PRCD: variants seen among roughly 807,000 people sequenced by gnomAD.
PRCD encodes the protein photoreceptor disk component PRCD.
A neutral mutation model predicts 10.1 loss-of-function variants in PRCD; 12 were observed. That is an observed-to-expected ratio of 1.18 (90% CI 0.76 to 1.92). The LOEUF is 1.92. Among genes scored for constraint, PRCD ranks in the 40% most tolerant of loss-of-function variants. PRCD has a pLI of 0.00. For missense variants in PRCD, 61 were observed against 72.2 expected, an observed-to-expected ratio of 0.84 and a Z score of 0.56; for synonymous variants, 31 against 26.2, an observed-to-expected ratio of 1.18 and a Z score of -0.56.
rs752819238 is a variant in PRCD, at chr17:76,540,110, C to T, written c.-32C>T. On this transcript the variant is annotated 5_prime_UTR_variant, in exon 1 of 5. Coordinates refer to ENST00000592014, the MANE Select transcript of PRCD (RefSeq NM_001077620.3). The surrounding 1 kb of genome is among the most constrained non-coding windows in gnomAD (Gnocchi z 5.0). ...CCCCTCGCCTGTGGCCTTCTGCAGA[C>T]TTGGCCTGGGAGGGGATGGGGCAGC... The T allele has an allele frequency of 1.9e-6, 3 of 1,585,498 alleles. No homozygotes were observed. In the Admixed American group the frequency reaches 5.4e-5, roughly 28 times the overall value.
intron 4 of PRCD, chr17:76,543,370 A>G (rs560934339): frequency 4.1e-4 from 141 of 340,238 alleles, no homozygotes; most frequent in African/African-American, 2.9e-3. Context: ...CCCAGGCAAG[A>G]GGCAGGAATA....
At position 76,544,626 on chromosome 17, in the gene PRCD, C is replaced by T. The variant is rs1402488672; in HGVS notation, c.*976C>T. The T allele has an allele frequency of 6.6e-6, 3 of 456,796 alleles. No individual in the cohort carries two copies. Among genetic ancestry groups the T allele is most frequent in the South Asian group, 1.5e-5 (1 of 64,578 alleles). The allele number at this position is 456,796 out of a possible 1,614,324, so 28.3% of individuals were successfully genotyped here. On this transcript the variant is annotated 3_prime_UTR_variant, in exon 5 of 5. Transcript: ENST00000592014. The stretch of plus-strand genomic sequence containing the variant: ...GTGAGCCCGTGATCGCCTGTCTCAG[C>T]TCCTGTCAGCCTGTCTCTCTCTTTG...
At position 76,544,623 on chromosome 17, in the gene PRCD, C is replaced by T. The variant is rs780858428; in HGVS notation, c.*973C>T. 1 of 456,798 alleles carries T rather than the reference C, an allele frequency of 2.2e-6. No homozygotes were observed. Among genetic ancestry groups the T allele is most frequent in the South Asian group, 1.5e-5 (1 of 64,578 alleles). The allele number at this position is 456,798 out of a possible 1,614,324, so 28.3% of individuals were successfully genotyped here. A position where few individuals can be genotyped will look rare whatever the true frequency, so the allele number is the denominator to read the frequency against. ...GCCGTGAGCCCGTGATCGCCTGTCT[C>T]AGCTCCTGTCAGCCTGTCTCTCTCT... On this transcript the variant is annotated 3_prime_UTR_variant, in exon 5 of 5. Transcript: ENST00000592014.
At chr17:76,546,449 TTTGTGTG>T (rs879545862), downstream of PRCD, 853 of 14,442 alleles carry the variant, frequency 0.059, 4 homozygotes, top group South Asian at 0.23. This position sits in a 1 kb window ranked among gnomAD's most constrained non-coding sequence, Gnocchi z 4.5. Context: ...GTGTGTGTGG[TTTGTGTG>T]TGTGTGTGTG....
chr17:76,530,080 G>C lies in PRCD; in HGVS notation n.45+2247G>C. 1 of 985,370 alleles carries C rather than the reference G, an allele frequency of 1.0e-6. No homozygotes were observed. The highest frequency in any genetic ancestry group is 4.7e-5 in the South Asian group (1 of 21,288). 61.0% of individuals were successfully genotyped at this position (985,370 alleles called of 1,614,324 possible). On this transcript the variant is annotated intron_variant and non_coding_transcript_variant, in intron 1 of 4. Coordinates refer to the PRCD transcript ENST00000397633. This position sits in a 1 kb window ranked among gnomAD's most constrained non-coding sequence, Gnocchi z 6.1. ...CGTGCAGAGCCCGGCGGGAGACGCCGCCTTTTCCATGGGAAACTGCTGGGA... is the reference window on the plus strand; with the variant it reads ...CGTGCAGAGCCCGGCGGGAGACGCCCCCTTTTCCATGGGAAACTGCTGGGA...
intron 1 of PRCD, among the ~76,000 whole-genome samples, chr17:76,534,174 C>CTT (rs2074887946): frequency 1.9e-5 from 2 of 106,072 alleles, no homozygotes; most frequent in Non-Finnish European, 4.0e-5. Context: ...CTCTCTCTCT[C>CTT]TCTTTCTTTC....
chr17:76,530,069 C>T lies in PRCD; in HGVS notation n.45+2236C>T, dbSNP rs899463654. 32 of 985,236 alleles carry T rather than the reference C, an allele frequency of 3.2e-5. No individual in the cohort carries two copies. Among genetic ancestry groups the T allele is most frequent in the African/African-American group, 7.0e-5 (4 of 57,198 alleles). The allele number at this position is 985,236 out of a possible 1,614,324, so 61.0% of individuals were successfully genotyped here. The stretch of plus-strand genomic sequence containing the variant: ...TCTTGGGGGCCCGTGCAGAGCCCGG[C>T]GGGAGACGCCGCCTTTTCCATGGGA... On this transcript the variant is annotated intron_variant and non_coding_transcript_variant, in intron 1 of 4. Coordinates refer to the PRCD transcript ENST00000397633. This position sits in a 1 kb window ranked among gnomAD's most constrained non-coding sequence, Gnocchi z 6.1.
intron 2 of PRCD, 119 bp from the exon 3 acceptor site, chr17:76,542,434 G>C (rs1389822425): frequency 3.5e-6 from 4 of 1,155,654 alleles, no homozygotes; most frequent in Non-Finnish European, 5.2e-6. Flanking sequence ...TTCCTTAGGT[G>C]GTCCTGCCCC....
rs1222272125 is a variant in PRCD at position 76,533,054 on chromosome 17, A to T, written n.45+5221A>T. 6.6e-6 allele frequency among the ~76,000 whole-genome samples: 1 copy of T among 152,202 alleles called. No homozygotes were observed. The highest frequency in any genetic ancestry group is 2.4e-5 in the African/African-American group (1 of 41,450). On this transcript the variant is annotated intron_variant and non_coding_transcript_variant, in intron 1 of 4. Coordinates refer to the PRCD transcript ENST00000397633. This position sits in a 1 kb window ranked among gnomAD's most constrained non-coding sequence, Gnocchi z 4.5. ...GAAGTAGCCCTTTGGCCAGGAGTCG[A>T]GTCTCAGATGTGAGGGCTGGAACAG...
rs1340130799 is a variant in PRCD, at chr17:76,531,877, C to T, written n.45+4044C>T. 1.8e-6 allele frequency: 1 copy of T among 558,244 alleles called. No homozygotes were observed. Among genetic ancestry groups the T allele is most frequent in the Non-Finnish European group, 3.2e-6 (1 of 315,024 alleles). 34.6% of individuals were successfully genotyped at this position (558,244 alleles called of 1,614,324 possible). On this transcript the variant is annotated intron_variant and non_coding_transcript_variant, in intron 1 of 4. Transcript: ENST00000397633. This position sits in a 1 kb window ranked among gnomAD's most constrained non-coding sequence, Gnocchi z 7.4. The stretch of plus-strand genomic sequence containing the variant: ...CTCCCTCTGGCCAAGCCGGCTCACC[C>T]CTACCAAGTCTGGCCATGTCTATCT...
intron 1 of PRCD, among the ~76,000 whole-genome samples, chr17:76,534,176 CTT>C (rs549304283): frequency 0.047 from 5,850 of 125,088 alleles, 116 homozygotes; most frequent in Middle Eastern, 0.074. Flanking sequence ...CTCTCTCTCT[CTT>C]TCTTTCTTTC....
chr17:76,528,527 C>A lies in PRCD; in HGVS notation n.45+694C>A, dbSNP rs1362182112. On this transcript the variant is annotated intron_variant and non_coding_transcript_variant, in intron 1 of 4. Transcript: ENST00000397633. The surrounding 1 kb of genome is among the most constrained non-coding windows in gnomAD (Gnocchi z 5.8). ...GGAGCGTCAAGGAGGGTCTTCAGAA[C>A]TCGGCCTTCTGCTCGAGGTGCTGCC... 2 of 1,273,612 alleles carry A rather than the reference C, an allele frequency of 1.6e-6. No homozygotes were observed. The highest frequency in any genetic ancestry group is 2.0e-6 in the Non-Finnish European group (2 of 995,752). 78.9% of individuals were successfully genotyped at this position (1,273,612 alleles called of 1,614,324 possible). A position where few individuals can be genotyped will look rare whatever the true frequency, so the allele number is the denominator to read the frequency against.
Position 76,533,530 on chromosome 17 carries a change from G to A in PRCD, n.45+5697G>A, listed in dbSNP as rs2074874143. Among the ~76,000 whole-genome samples the A allele has an allele frequency of 6.6e-6, 1 of 152,166 alleles. No individual in the cohort carries two copies. ...GCTTGAGCTCAGGCATTTGAGACCAGCCTGGGCAATGTGGCAAACCCTGTC... is the reference window on the plus strand; with the variant it reads ...GCTTGAGCTCAGGCATTTGAGACCAACCTGGGCAATGTGGCAAACCCTGTC... On this transcript the variant is annotated intron_variant and non_coding_transcript_variant, in intron 1 of 4. Coordinates refer to the PRCD transcript ENST00000397633. This position sits in a 1 kb window ranked among gnomAD's most constrained non-coding sequence, Gnocchi z 4.5.
Position 76,545,168 on chromosome 17 carries a change from C to G in PRCD, c.*1518C>G, listed in dbSNP as rs895502596. The stretch of plus-strand genomic sequence containing the variant: ...CTCGCCTCTTATTCCCGGGGCCTCT[C>G]CCACCCCTGGGCTCTCTGCGCAGTC... On this transcript the variant is annotated 3_prime_UTR_variant, in exon 5 of 5. Coordinates refer to ENST00000592014, the MANE Select transcript of PRCD (RefSeq NM_001077620.3). 2.2e-6 allele frequency: 1 copy of G among 456,658 alleles called. No individual in the cohort carries two copies. Among genetic ancestry groups the G allele is most frequent in the African/African-American group, 2.0e-5 (1 of 50,096 alleles). 28.3% of individuals were successfully genotyped at this position (456,658 alleles called of 1,614,324 possible). A position where few individuals can be genotyped will look rare whatever the true frequency, so the allele number is the denominator to read the frequency against.
chr17:76,544,446 A>G lies in PRCD; in HGVS notation c.*796A>G, dbSNP rs1445002728. The G allele has an allele frequency of 2.2e-6, 1 of 454,972 alleles. No individual in the cohort carries two copies. Among genetic ancestry groups the G allele is most frequent in the South Asian group, 1.6e-5 (1 of 64,490 alleles). 28.2% of individuals were successfully genotyped at this position (454,972 alleles called of 1,614,324 possible). A position where few individuals can be genotyped will look rare whatever the true frequency, so the allele number is the denominator to read the frequency against. ...GGGGAGGAGGTGCACCCCGCTGGGG[A>G]GGGCCTGCTGGTACCTCGGGGAGCC... On this transcript the variant is annotated 3_prime_UTR_variant, in exon 5 of 5. Transcript: ENST00000592014.
chr17:76,532,840 A>G (rs1961351027), intron 1 of PRCD, among the ~76,000 whole-genome samples: 1 of 152,138 alleles, frequency 6.6e-6, no homozygotes, highest in South Asian at 2.1e-4. Context: ...CCCGGCCGAC[A>G]ATGACTTTTT....
chr17:76,534,569 G>T (rs1237593768), intron 1 of PRCD, among the ~76,000 whole-genome samples: 1 of 152,224 alleles, frequency 6.6e-6, no homozygotes, highest in Admixed American at 6.5e-5. Context: ...AGCACTTACT[G>T]TACGATCTCA....
At chr17:76,552,495 A>G (rs2075117169) in intron 1 of PRCD, among the ~76,000 whole-genome samples, 1 of 151,946 alleles carries the variant, frequency 6.6e-6, no homozygotes, top group African/African-American at 2.4e-5. Flanking sequence ...CACTGCACCC[A>G]GCCTAAAATC....
upstream of PRCD, among the ~76,000 whole-genome samples, chr17:76,535,123 T>C (rs1340778665): frequency 1.3e-5 from 2 of 151,974 alleles, no homozygotes; most frequent in African/African-American, 4.8e-5. Flanking sequence ...GGAATGGAAG[T>C]GTGGGGTCTG....
Sources: allele counts gnomAD v4.1 joint callset (sites outside exome capture counted in the v4.1 genomes callset), GRCh38; gene constraint gnomAD v4.1.1; non-coding constraint Gnocchi (gnomAD v3.1); transcripts MANE v1.5; gene names NCBI Gene and HGNC (gene_info 2026-07-23, HGNC 2026-07-21).